The following RCSD1 variants were observed in gnomAD, a reference collection of about 807,000 sequenced individuals.
RCSD1 encodes capZ-interacting protein.
In RCSD1, 26 loss-of-function variants were observed where a neutral mutation model predicts 42.5. The observed-to-expected ratio is 0.61, with a 90% CI of 0.45 to 0.85. The LOEUF (loss-of-function observed/expected upper bound fraction) is 0.85, where lower values mean the gene tolerates loss of function less well. Among genes scored for constraint, RCSD1 ranks in the 40% least tolerant of loss-of-function variants. The probability of loss-of-function intolerance (pLI) is 0.00; values close to 1 mark genes in which losing one functional copy is unlikely to be tolerated. For synonymous variants in RCSD1, 220 were observed against 212.2 expected (o/e 1.04, Z -0.32); for missense variants, 571 against 528.3 (o/e 1.08, Z -0.79).
At chr1:167,694,934 G>T (rs1305652801) in intron 5 of RCSD1, among the ~76,000 whole-genome samples, 1 of 152,216 alleles carries the variant, frequency 6.6e-6, no homozygotes, top group Non-Finnish European at 1.5e-5. Context: ...GGGCCAAGCA[G>T]GTAGCCAACA....
chr1:167,697,884 G>A, intron 6 of RCSD1, 42 bp downstream of exon 6: 2 of 1,443,932 alleles, frequency 1.4e-6, no homozygotes, highest in Non-Finnish European at 1.8e-6. Flanking sequence ...GCAGTGCCAG[G>A]GCCAGTGTGT....
intron 1 of RCSD1, among the ~76,000 whole-genome samples, chr1:167,663,177 C>T (rs1658577547): frequency 2.0e-5 from 3 of 152,200 alleles, no homozygotes; most frequent in African/African-American, 7.2e-5. Context: ...AGACTTAACC[C>T]CGTAGTCCCA....
intron 6 of RCSD1, among the ~76,000 whole-genome samples, chr1:167,703,996 C>T (rs1659700782): frequency 6.6e-6 from 1 of 152,156 alleles, no homozygotes; most frequent in African/African-American, 2.4e-5. Context: ...GTCCACATCA[C>T]ACCCCACCTT....
At chr1:167,672,280 A>AAC (rs993956486) in intron 1 of RCSD1, among the ~76,000 whole-genome samples, 14 of 152,332 alleles carry the variant, frequency 9.2e-5, no homozygotes, top group African/African-American at 3.1e-4. Context: ...CAGAACTCAG[A>AAC]ACACATCGTG....
intron 1 of RCSD1, among the ~76,000 whole-genome samples, chr1:167,659,128 G>A (rs562996077): frequency 6.6e-6 from 1 of 152,092 alleles, no homozygotes; most frequent in Admixed American, 6.5e-5. Context: ...AAATCTTAGT[G>A]TTAATTTAAC....
At chr1:167,669,792 C>A (rs1333620633) in intron 1 of RCSD1, among the ~76,000 whole-genome samples, 1 of 152,192 alleles carries the variant, frequency 6.6e-6, no homozygotes, top group Non-Finnish European at 1.5e-5. Context: ...GACCAGAGGG[C>A]CCAGCACCAT....
chr1:167,672,605 TCA>T (rs1228421690), intron 1 of RCSD1, among the ~76,000 whole-genome samples: 1 of 152,188 alleles, frequency 6.6e-6, no homozygotes, highest in African/African-American at 2.4e-5. Context: ...ACTCTGACTC[TCA>T]CTCTTCTGCC....
chr1:167,646,505 TTTTTTC>T (rs149595197), intron 1 of RCSD1, among the ~76,000 whole-genome samples: 112,183 of 146,556 alleles, frequency 0.77, 43,243 homozygotes, highest in African/African-American at 0.85. Flanking sequence ...ACTTAGAGTT[TTTTTTC>T]TTTTTCTTTT....
chr1:167,647,482 A>C (rs1210295787), intron 1 of RCSD1, among the ~76,000 whole-genome samples: 1 of 152,040 alleles, frequency 6.6e-6, no homozygotes, highest in Non-Finnish European at 1.5e-5. Flanking sequence ...GTTATTCAGG[A>C]GGCTAAGGCA....
chr1:167,639,959 T>C (rs1657964809), intron 1 of RCSD1, among the ~76,000 whole-genome samples: 1 of 152,242 alleles, frequency 6.6e-6, no homozygotes, highest in South Asian at 2.1e-4. Flanking sequence ...CAGTCATGCC[T>C]GAATCCCCTC....
intron 1 of RCSD1, among the ~76,000 whole-genome samples, chr1:167,676,344 C>A (rs1230469522): frequency 6.6e-6 from 1 of 152,172 alleles, no homozygotes; most frequent in African/African-American, 2.4e-5. Flanking sequence ...AAGGGCGGTG[C>A]CACTGCCAGA....
intron 1 of RCSD1, among the ~76,000 whole-genome samples, chr1:167,662,914 C>G (rs1658571086): frequency 6.6e-6 from 1 of 152,162 alleles, no homozygotes; most frequent in Admixed American, 6.5e-5. Context: ...AGAAAGATAA[C>G]CCAAGTTTTC....
intron 1 of RCSD1, among the ~76,000 whole-genome samples, chr1:167,657,711 G>C (rs894089484): frequency 6.6e-6 from 1 of 151,978 alleles, no homozygotes; most frequent in Non-Finnish European, 1.5e-5. Flanking sequence ...TGTTTTCCAG[G>C]TATTTGTTCC....
chr1:167,650,836 A>G (rs1294345981), intron 1 of RCSD1, among the ~76,000 whole-genome samples: 2 of 152,212 alleles, frequency 1.3e-5, no homozygotes, highest in African/African-American at 4.8e-5. Flanking sequence ...GGGCAGCCCC[A>G]GAAGCAGCTT....
intron 4 of RCSD1, among the ~76,000 whole-genome samples, chr1:167,691,915 C>T (rs1339926474): frequency 6.6e-6 from 1 of 152,178 alleles, no homozygotes; most frequent in Non-Finnish European, 1.5e-5. Context: ...AGAACTCCAG[C>T]ACCCCTCCTA....
intron 1 of RCSD1, among the ~76,000 whole-genome samples, chr1:167,642,368 C>T (rs1396402502): frequency 5.3e-5 from 8 of 152,166 alleles, no homozygotes; most frequent in Admixed American, 6.5e-5. Flanking sequence ...GAGTCTTACA[C>T]GGCTTTTGTG....
intron 6 of RCSD1, among the ~76,000 whole-genome samples, chr1:167,699,440 C>T (rs1469905922): frequency 6.6e-6 from 1 of 152,170 alleles, no homozygotes; most frequent in Non-Finnish European, 1.5e-5. Flanking sequence ...CCTCTGGCTC[C>T]TGGTGGCTGC....
At chr1:167,657,711 G>T (rs894089484) in intron 1 of RCSD1, among the ~76,000 whole-genome samples, 2 of 151,978 alleles carry the variant, frequency 1.3e-5, no homozygotes, top group African/African-American at 4.8e-5. Flanking sequence ...TGTTTTCCAG[G>T]TATTTGTTCC....
intron 1 of RCSD1, among the ~76,000 whole-genome samples, chr1:167,653,531 A>C (rs369596298): frequency 6.6e-6 from 1 of 152,230 alleles, no homozygotes; most frequent in South Asian, 2.1e-4. Context: ...ACAGAGCCTC[A>C]GTCTTTATCC....
Sources: allele counts gnomAD v4.1 joint callset (sites outside exome capture counted in the v4.1 genomes callset), GRCh38; gene constraint gnomAD v4.1.1; transcripts MANE v1.5; gene names NCBI Gene and HGNC (gene_info 2026-07-23, HGNC 2026-07-21).